Variants in DPP10 observed in about 807,000 individuals in gnomAD.
DPP10 encodes inactive dipeptidyl peptidase 10.
A neutral mutation model predicts 120.9 loss-of-function variants in DPP10; 33 were observed. The observed-to-expected ratio is 0.27, with a 90% CI of 0.21 to 0.37. The LOEUF (loss-of-function observed/expected upper bound fraction) is 0.37, where lower values mean the gene tolerates loss of function less well. Ranked by LOEUF, DPP10 falls within the 10% of genes least tolerant of loss-of-function variation. The probability of loss-of-function intolerance (pLI) is 1.00; values close to 1 mark genes in which losing one functional copy is unlikely to be tolerated. For synonymous variants in DPP10, 337 were observed against 326.1 expected (o/e 1.03, Z -0.36); for missense variants, 816 against 942.8 (o/e 0.87, Z 1.76).
intron 1 of DPP10, among the ~76,000 whole-genome samples, chr2:114,556,246 T>TATATATATATATATAC (rs1247537369): frequency 8.1e-6 from 1 of 123,396 alleles, no homozygotes; most frequent in East Asian, 3.6e-4. Context: ...TATATATATA[T>TATATATATATATATAC]ATATATATAT....
intron 1 of DPP10, among the ~76,000 whole-genome samples, chr2:115,163,295 A>C (rs2052576279): frequency 6.6e-6 from 1 of 152,032 alleles, no homozygotes; most frequent in South Asian, 2.1e-4. Flanking sequence ...AATATTGCAG[A>C]CTTGGTCATC....
At chr2:115,618,123 C>G (rs2084667060) in intron 5 of DPP10, among the ~76,000 whole-genome samples, 1 of 152,110 alleles carries the variant, frequency 6.6e-6, no homozygotes, top group Admixed American at 6.6e-5. Flanking sequence ...GTAACTGAAA[C>G]TGCGGAAAGC....
chr2:115,553,918 A>G (rs1232449385), intron 5 of DPP10, among the ~76,000 whole-genome samples: 1 of 151,198 alleles, frequency 6.6e-6, no homozygotes, highest in Non-Finnish European at 1.5e-5. Context: ...TGAATTATTC[A>G]ATGTTTCAGG....
chr2:114,993,007 C>T (rs909568983), intron 1 of DPP10, among the ~76,000 whole-genome samples: 4 of 152,158 alleles, frequency 2.6e-5, no homozygotes, highest in Non-Finnish European at 5.9e-5. Flanking sequence ...ACTCAGCTAG[C>T]GGTAGTTGTC....
chr2:115,316,313 A>G (rs879317729), intron 2 of DPP10, among the ~76,000 whole-genome samples: 1 of 152,226 alleles, frequency 6.6e-6, no homozygotes, highest in Admixed American at 6.6e-5. Flanking sequence ...GACATGTGTC[A>G]TAATCCTTGT....
At chr2:115,301,054 C>T (rs900319836) in intron 1 of DPP10, among the ~76,000 whole-genome samples, 5 of 151,940 alleles carry the variant, frequency 3.3e-5, no homozygotes, top group African/African-American at 1.2e-4. Context: ...TTCCCTGGGC[C>T]TGTGTGTGTG....
intron 1 of DPP10, among the ~76,000 whole-genome samples, chr2:114,583,918 CTTTTCTTTTATCTCACTATAAAATAT>C: frequency 6.6e-6 from 1 of 152,266 alleles, no homozygotes; most frequent in East Asian, 1.9e-4. Context: ...TCCTTCTAGG[CTTTTCTTTTATCTCACTATAAAATAT>C]TTTTGAAGCA....
intron 1 of DPP10, among the ~76,000 whole-genome samples, chr2:115,240,512 C>G (rs973302356): frequency 4.6e-5 from 7 of 151,994 alleles, no homozygotes; most frequent in African/African-American, 9.7e-5. Context: ...AGCCTTTAGT[C>G]TGATGATTCT....
At chr2:114,683,853 C>T (rs1348663898) in intron 1 of DPP10, among the ~76,000 whole-genome samples, 7 of 151,890 alleles carry the variant, frequency 4.6e-5, no homozygotes, top group African/African-American at 1.4e-4. Context: ...GATTTAACCC[C>T]CTGTATCTTG....
intron 1 of DPP10, among the ~76,000 whole-genome samples, chr2:115,276,259 T>A (rs1446284816): frequency 6.6e-6 from 1 of 152,084 alleles, no homozygotes. Flanking sequence ...TTAAAGACAT[T>A]GAGAGTTCAC....
At chr2:114,595,091 A>G (rs567447755) in intron 1 of DPP10, among the ~76,000 whole-genome samples, 1 of 152,120 alleles carries the variant, frequency 6.6e-6, no homozygotes, top group East Asian at 1.9e-4. Context: ...AATGCTTCTA[A>G]ATGTTATTTG....
intron 5 of DPP10, among the ~76,000 whole-genome samples, chr2:115,556,188 C>A (rs1412554621): frequency 6.6e-6 from 1 of 151,492 alleles, no homozygotes; most frequent in African/African-American, 2.4e-5. Flanking sequence ...TGTTTAATAG[C>A]CAGATACTTT....
intron 3 of DPP10, among the ~76,000 whole-genome samples, chr2:115,442,389 G>GCA (rs57607529): frequency 5.9e-5 from 9 of 151,512 alleles, no homozygotes; most frequent in African/African-American, 2.2e-4. Context: ...GTGTGTGTGC[G>GCA]TGTGTCGTTT....
chr2:114,778,878 G>A (rs772529813), intron 1 of DPP10, among the ~76,000 whole-genome samples: 3 of 152,068 alleles, frequency 2.0e-5, no homozygotes, highest in Non-Finnish European at 4.4e-5. Flanking sequence ...TTAATTGACC[G>A]AAAGACAAAG....
intron 2 of DPP10, among the ~76,000 whole-genome samples, chr2:115,313,055 C>T (rs1401879708): frequency 2.6e-5 from 4 of 152,206 alleles, no homozygotes; most frequent in African/African-American, 9.6e-5. Flanking sequence ...AACCCCATAT[C>T]TACTAAAAAT....
At chr2:114,479,353 C>T (rs1680801853) in intron 1 of DPP10, among the ~76,000 whole-genome samples, 1 of 150,380 alleles carries the variant, frequency 6.6e-6, no homozygotes, top group African/African-American at 2.4e-5. Flanking sequence ...TACTGTATAA[C>T]TACAAAAATA....
At chr2:115,052,111 C>T (rs1705535458) in intron 1 of DPP10, among the ~76,000 whole-genome samples, 1 of 152,034 alleles carries the variant, frequency 6.6e-6, no homozygotes, top group South Asian at 2.1e-4. Flanking sequence ...AGTGCTGAGA[C>T]AATATAATAT....
intron 1 of DPP10, among the ~76,000 whole-genome samples, chr2:115,039,880 C>G (rs1451660203): frequency 6.6e-6 from 1 of 152,028 alleles, no homozygotes; most frequent in Admixed American, 6.6e-5. Flanking sequence ...CCACACCCAG[C>G]AGCCTCAGGA....
rs1367029368 is a variant in DPP10 at position 115,766,284 on chromosome 2, A to ATGTGTGTG, written c.1114-2012_1114-2011insGTGTGTGT. Among the ~76,000 whole-genome samples the ATGTGTGTG allele has an allele frequency of 7.8e-4, 39 of 50,196 alleles. 1 individual carries two copies. Among genetic ancestry groups the ATGTGTGTG allele is most frequent in the Middle Eastern group, 0.023 (2 of 88 alleles). The allele number at this position is 50,196 out of a possible 152,430, so 32.9% of individuals were successfully genotyped here. ...CAATGAACAAAAATACTCATTATAT[A>ATGTGTGTG]TATGTGTGTGTGTGTGTGTGTGTGT... On this transcript the variant is annotated intron_variant, in intron 12 of 25. Coordinates refer to ENST00000410059, the MANE Select transcript of DPP10 (RefSeq NM_020868.6).
Sources: allele counts gnomAD v4.1 joint callset (sites outside exome capture counted in the v4.1 genomes callset), GRCh38; gene constraint gnomAD v4.1.1; transcripts MANE v1.5; gene names NCBI Gene and HGNC (gene_info 2026-07-23, HGNC 2026-07-21).